POLD1: variants seen among roughly 807,000 people sequenced by gnomAD.
POLD1 encodes DNA polymerase delta 1, catalytic subunit.
In POLD1, 79 loss-of-function variants were observed where a neutral mutation model predicts 129.7. The observed-to-expected ratio is 0.61, with a 90% CI of 0.51 to 0.73. The LOEUF (loss-of-function observed/expected upper bound fraction) is 0.73, where lower values mean the gene tolerates loss of function less well. Among genes scored for constraint, POLD1 ranks in the 30% least tolerant of loss-of-function variants. The pLI, the probability that POLD1 is intolerant of heterozygous loss-of-function variation, is 0.00. For synonymous variants in POLD1, 714 were observed against 683.3 expected (o/e 1.04, Z -0.70); for missense variants, 1,338 against 1,595.8 (o/e 0.84, Z 2.75).
At chr19:50,417,814 C>A in intron 26 of POLD1, 28 bp from the exon 27 acceptor site, 1 of 1,474,478 alleles carries the variant, frequency 6.8e-7, no homozygotes, top group Non-Finnish European at 9.3e-7. Context: ...TTGGCTGGTC[C>A]TGACCCTGCC....
intron 22 of POLD1, 114 bp downstream of exon 22, chr19:50,415,940 A>G (rs745805169): frequency 1.8e-4 from 136 of 767,676 alleles, no homozygotes; most frequent in Non-Finnish European, 2.6e-4. Flanking sequence ...TGGGGCCCTG[A>G]GAACCGCCCC....
intron 1 of POLD1, among the ~76,000 whole-genome samples, chr19:50,388,468 T>G (rs1263913425): frequency 6.6e-6 from 1 of 151,514 alleles, no homozygotes; most frequent in Non-Finnish European, 1.5e-5. Context: ...AAAAAAGACG[T>G]CTACATACTC....
chr19:50,389,245 T>C (rs2038071588), intron 1 of POLD1, among the ~76,000 whole-genome samples: 1 of 151,414 alleles, frequency 6.6e-6, no homozygotes, highest in Non-Finnish European at 1.5e-5. Flanking sequence ...CCTCAGCCTC[T>C]CGAGTAGCTG....
chr19:50,415,945 C>A, intron 22 of POLD1, 119 bp downstream of exon 22: 2 of 735,716 alleles, frequency 2.7e-6, no homozygotes, highest in South Asian at 1.9e-5. Context: ...CCCTGAGAAC[C>A]GCCCCCCATG....
Position 50,402,144 on chromosome 19 carries a change from C to T in POLD1, c.589+20C>T, listed in dbSNP as rs757804470. The T allele has an allele frequency of 1.2e-6, 2 of 1,602,242 alleles. No homozygotes were observed. Among genetic ancestry groups the T allele is most frequent in the Non-Finnish European group, 8.5e-7 (1 of 1,173,408 alleles). ...GAGAGAGTGAGTGCTCCCCCAGGATCAGCGGGTTGGAGGGTCCCCTCGGGA... is the reference window on the plus strand; with the variant it reads ...GAGAGAGTGAGTGCTCCCCCAGGATTAGCGGGTTGGAGGGTCCCCTCGGGA... On this transcript the variant is annotated intron_variant, in intron 5 of 26. Transcript: ENST00000440232.
Position 50,406,960 on chromosome 19 carries a change from AC to A in POLD1, c.1495-19del. On this transcript the variant is annotated intron_variant, in intron 12 of 26. Transcript: ENST00000440232. The surrounding 1 kb of genome is among the most constrained non-coding windows in gnomAD (Gnocchi z 5.5). ...TCCCACCCCCAACCCCTGGTCCCTG[AC>A]CCCATCCGTGCCCATCCCCAGAATG... The A allele has an allele frequency of 7.3e-7, 1 of 1,362,474 alleles. No individual in the cohort carries two copies. Among genetic ancestry groups the A allele is most frequent in the Non-Finnish European group, 1.0e-6 (1 of 995,138 alleles). The allele number at this position is 1,362,474 out of a possible 1,614,324, so 84.4% of individuals were successfully genotyped here. A position where few individuals can be genotyped will look rare whatever the true frequency, so the allele number is the denominator to read the frequency against.
rs1057522005 is a variant in POLD1 at position 50,416,729 on chromosome 19, C to T, written c.3067+6C>T. 1.5e-5 allele frequency: 23 copies of T among 1,520,954 alleles called. No homozygotes were observed. The highest frequency in any genetic ancestry group is 1.2e-4 in the East Asian group (5 of 40,704). 94.2% of individuals were successfully genotyped at this position (1,520,954 alleles called of 1,614,324 possible). On this transcript the variant is annotated splice_donor_region_variant and intron_variant, in intron 24 of 26. Transcript: ENST00000440232. ...CACAGTGCTCAGCCACCAGGGTGAG[C>T]GGCCCTGGCCACTGGGCCCCCACTG...
rs2039220226 is a variant in POLD1 at position 50,414,923 on chromosome 19, C to T, written c.2497C>T (p.Arg833Cys). The T allele has an allele frequency of 1.2e-6, 2 of 1,610,280 alleles. No individual in the cohort carries two copies. The highest frequency in any genetic ancestry group is 1.7e-6 in the Non-Finnish European group (2 of 1,177,620). ...RMDCKGLEAV[R>C]RDNCPLVANL... Reference sequence around the variant, plus strand: ...GGACTGCAAGGGCCTGGAGGCCGTGCGCAGGGACAACTGCCCCCTCGTGGC... The same window carrying T: ...GGACTGCAAGGGCCTGGAGGCCGTGTGCAGGGACAACTGCCCCCTCGTGGC... Residue 833 changes from arginine (R) to cysteine (C), a missense_variant, in exon 20 of 27, where the codon CGC (arginine) becomes TGC (cysteine). Arg to Cys is a radical substitution (Grantham distance 180). Coordinates refer to ENST00000440232, the MANE Select transcript of POLD1 (RefSeq NM_002691.4).
At chr19:50,402,964 A>C in intron 8 of POLD1, 89 bp from the exon 9 acceptor site, 1 of 1,487,152 alleles carries the variant, frequency 6.7e-7, no homozygotes, top group Non-Finnish European at 9.1e-7. Flanking sequence ...GGCAGCGGGG[A>C]CAGCCCCGGG....
chr19:50,410,341 G>A (rs1259363007), intron 17 of POLD1, among the ~76,000 whole-genome samples: 1 of 152,122 alleles, frequency 6.6e-6, no homozygotes, highest in Non-Finnish European at 1.5e-5. Flanking sequence ...GCCAGTAGTT[G>A]TGCTGCTCTG....
chr19:50,411,748 G>A (rs1254519328), intron 17 of POLD1, among the ~76,000 whole-genome samples: 1 of 151,980 alleles, frequency 6.6e-6, no homozygotes, highest in Admixed American at 6.6e-5. Flanking sequence ...GCTGAGGCAG[G>A]AGAATCGCTT....
Position 50,403,499 on chromosome 19 carries a change from T to C in POLD1, c.1144T>C (p.Ser382Pro), listed in dbSNP as rs1555790556. ...AATGTGCTCCCACCCCCAGGCCTGG[T>C]CCACCTTCATCCGTATCATGGACCC... is the stretch of plus-strand genomic sequence containing the variant. Reference protein sequence around the residue: ...EKEEDLLQAWSTFIRIMDPDV... With the variant: ...EKEEDLLQAWPTFIRIMDPDV... The change falls in exon 10 of 27, where the codon TCC (serine) becomes CCC (proline). Residue 382 changes from serine (S) to proline (P), a missense_variant. Coordinates refer to ENST00000440232, the MANE Select transcript of POLD1 (RefSeq NM_002691.4). The C allele has an allele frequency of 6.2e-7, 1 of 1,613,092 alleles. No individual in the cohort carries two copies. Among genetic ancestry groups the C allele is most frequent in the Non-Finnish European group, 8.5e-7 (1 of 1,179,092 alleles).
intron 1 of POLD1, among the ~76,000 whole-genome samples, chr19:50,385,086 A>G (rs1601154945): frequency 6.6e-6 from 1 of 152,322 alleles, no homozygotes; most frequent in South Asian, 2.1e-4. Context: ...CCTTTATTCT[A>G]GGTTCAGCGG....
intron 1 of POLD1, among the ~76,000 whole-genome samples, chr19:50,393,419 C>T (rs1179820448): frequency 6.6e-6 from 1 of 152,120 alleles, no homozygotes; most frequent in Non-Finnish European, 1.5e-5. Context: ...CCTGTAATCC[C>T]AGCACTTTGG....
chr19:50,415,441 C>G lies in POLD1; in HGVS notation c.2568C>G (p.Asp856Glu). The G allele has an allele frequency of 6.2e-7, 1 of 1,612,356 alleles. No homozygotes were observed. Among genetic ancestry groups the G allele is most frequent in the South Asian group, 1.1e-5 (1 of 91,020 alleles). The change falls in exon 21 of 27, where the codon GAC becomes GAG. Residue 856 changes from aspartate (D) to glutamate (E), a missense_variant. This residue lies in a region of POLD1 where 720 missense variants were observed against 1,002.6 expected (regional missense o/e 0.72). Coordinates refer to ENST00000440232, the MANE Select transcript of POLD1 (RefSeq NM_002691.4). ...TGTGCGGCCCGCTCTCCTACAGAGA[C>G]CCTGAGGGCGCGGTGGCTCACGCAC... ...ASLRRLLIDRDPEGAVAHAQD... is the reference protein window; with the variant it reads ...ASLRRLLIDREPEGAVAHAQD...
At position 50,406,176 on chromosome 19, in the gene POLD1, C is replaced by G. The variant is rs761914051; in HGVS notation, c.1243-6C>G. The G allele has an allele frequency of 6.2e-7, 1 of 1,611,714 alleles. No homozygotes were observed. Among genetic ancestry groups the G allele is most frequent in the Non-Finnish European group, 8.5e-7 (1 of 1,178,280 alleles). On this transcript the variant is annotated splice_polypyrimidine_tract_variant and splice_region_variant and intron_variant, in intron 10 of 26. Coordinates refer to ENST00000440232, the MANE Select transcript of POLD1 (RefSeq NM_002691.4). This position sits in a 1 kb window ranked among gnomAD's most constrained non-coding sequence, Gnocchi z 5.5. Reference sequence around the variant, plus strand: ...GCCTGCTGCACACCCTGCCTCTCCTCCTCAGGTACAAACATTCCCTTTCCT... The same window carrying G: ...GCCTGCTGCACACCCTGCCTCTCCTGCTCAGGTACAAACATTCCCTTTCCT...
intron 1 of POLD1, among the ~76,000 whole-genome samples, chr19:50,391,347 G>A (rs1460305534): frequency 6.6e-6 from 1 of 152,224 alleles, no homozygotes; most frequent in East Asian, 1.9e-4. Flanking sequence ...CAAGGCAGGC[G>A]GCTGGGAGGT....
intron 1 of POLD1, among the ~76,000 whole-genome samples, chr19:50,390,893 G>A (rs1026592028): frequency 1.3e-5 from 2 of 152,080 alleles, no homozygotes; most frequent in South Asian, 2.1e-4. Context: ...GGGGTTGGGG[G>A]TAAGGCCGTA....
At chr19:50,417,022 TG>T (rs2122502892) in intron 24 of POLD1, 22 bp from the exon 25 acceptor site, 2 of 1,546,598 alleles carry the variant, frequency 1.3e-6, no homozygotes, top group East Asian at 2.4e-5. Context: ...CCCCAGCACT[TG>T]GGCTGACCCG....
Sources: gnomAD v4.1 joint callset for allele counts (sites outside exome capture counted in the v4.1 genomes callset) on GRCh38, gnomAD v4.1.1 for gene constraint, gnomAD v4.1.1 regional missense constraint, Gnocchi (gnomAD v3.1) non-coding constraint, MANE v1.5 for transcripts, NCBI Gene and HGNC (gene_info 2026-07-23, HGNC 2026-07-21) for gene names.